The following ST8SIA1 variants were observed in gnomAD, a reference collection of about 807,000 sequenced individuals.
The protein encoded by ST8SIA1 is ST8 alpha-N-acetyl-neuraminide alpha-2,8-sialyltransferase 1.
Under a neutral mutation model 35.9 loss-of-function variants are expected in ST8SIA1, and 16 were observed. That is an observed-to-expected ratio of 0.45 (90% CI 0.30 to 0.68). The LOEUF (loss-of-function observed/expected upper bound fraction) is 0.68. ST8SIA1 is among the 30% of genes least tolerant of loss of function. The probability of loss-of-function intolerance (pLI) is 0.09; values close to 1 mark genes in which losing one functional copy is unlikely to be tolerated. For missense variants in ST8SIA1, 383 were observed against 453.6 expected (o/e 0.84, Z 1.41); for synonymous variants, 170 against 169.6 (o/e 1.00, Z -0.02).
chr12:22,248,948 T>G (rs780132825), intron 4 of ST8SIA1, 58 bp downstream of exon 4: 30 of 1,306,930 alleles, frequency 2.3e-5, no homozygotes, highest in Non-Finnish European at 3.2e-5. Context: ...TTTGAAATGC[T>G]AAGTACTTGA....
chr12:22,228,736 G>A (rs541756923), intron 4 of ST8SIA1, among the ~76,000 whole-genome samples: 1 of 152,178 alleles, frequency 6.6e-6, no homozygotes, highest in South Asian at 2.1e-4. Context: ...GACAGTGGTG[G>A]GGATGATGAC....
At chr12:22,214,430 T>G (rs1300169486) in intron 4 of ST8SIA1, among the ~76,000 whole-genome samples, 1 of 151,964 alleles carries the variant, frequency 6.6e-6, no homozygotes, top group Non-Finnish European at 1.5e-5. Context: ...CCAAGTAAAT[T>G]AGGAAAATAT....
At chr12:22,204,931 C>CAGTTT (rs2120616569) in intron 4 of ST8SIA1, among the ~76,000 whole-genome samples, 1 of 152,182 alleles carries the variant, frequency 6.6e-6, no homozygotes, top group East Asian at 1.9e-4. Context: ...AGTGGTGCTC[C>CAGTTT]AGTTTGTCTC....
At chr12:22,257,019 C>A (rs906014045) in intron 2 of ST8SIA1, among the ~76,000 whole-genome samples, 1 of 152,192 alleles carries the variant, frequency 6.6e-6, no homozygotes, top group Non-Finnish European at 1.5e-5. Context: ...GCGTCAGGCA[C>A]TGCCCTGGGT....
chr12:22,333,928 G>A (rs1866805622), intron 1 of ST8SIA1, 69 bp downstream of exon 1: 12 of 1,396,848 alleles, frequency 8.6e-6, no homozygotes, highest in Middle Eastern at 3.5e-4. Context: ...GGTCCTCGCC[G>A]GTGACCCTGT....
intron 2 of ST8SIA1, among the ~76,000 whole-genome samples, chr12:22,272,888 T>A (rs1865927645): frequency 6.6e-6 from 1 of 152,208 alleles, no homozygotes; most frequent in South Asian, 2.1e-4. Flanking sequence ...CTGACTGTGA[T>A]TTTTACATCT....
At chr12:22,240,889 T>C (rs892606679) in intron 4 of ST8SIA1, among the ~76,000 whole-genome samples, 10 of 152,136 alleles carry the variant, frequency 6.6e-5, no homozygotes, top group Admixed American at 6.6e-4. Context: ...TTAAAAGTTA[T>C]GCATTTACAA....
At chr12:22,289,406 G>C (rs1270835289) in intron 1 of ST8SIA1, among the ~76,000 whole-genome samples, 1 of 152,140 alleles carries the variant, frequency 6.6e-6, no homozygotes, top group Non-Finnish European at 1.5e-5. Context: ...GGTCCGCAGA[G>C]TCCAGGCTTT....
chr12:22,287,036 GAAGA>G, intron 2 of ST8SIA1, 109 bp downstream of exon 2: 2 of 985,736 alleles, frequency 2.0e-6, no homozygotes, highest in South Asian at 1.9e-5. Flanking sequence ...TTTAAAGAGA[GAAGA>G]AAGAAAACAA....
intron 4 of ST8SIA1, among the ~76,000 whole-genome samples, chr12:22,216,701 C>T (rs113648324): frequency 6.6e-6 from 1 of 152,004 alleles, no homozygotes; most frequent in African/African-American, 2.4e-5. Context: ...CTTGCTGTTC[C>T]CTAAGGCTAA....
At chr12:22,281,667 T>G (rs920961845) in intron 2 of ST8SIA1, among the ~76,000 whole-genome samples, 1 of 152,068 alleles carries the variant, frequency 6.6e-6, no homozygotes, top group African/African-American at 2.4e-5. Flanking sequence ...TACACTCTAC[T>G]TTTTCTCCCA....
At chr12:22,314,913 T>C (rs1040666697) in intron 1 of ST8SIA1, among the ~76,000 whole-genome samples, 1 of 152,082 alleles carries the variant, frequency 6.6e-6, no homozygotes, top group African/African-American at 2.4e-5. Context: ...TTCTTTCATT[T>C]CTCCCACTCA....
At chr12:22,202,995 T>G (rs1342044697) in intron 4 of ST8SIA1, among the ~76,000 whole-genome samples, 1 of 152,196 alleles carries the variant, frequency 6.6e-6, no homozygotes, top group Admixed American at 6.5e-5. Flanking sequence ...AAACGTCTTA[T>G]ATCTGTTTTG....
At chr12:22,309,024 A>G (rs945394682) in intron 1 of ST8SIA1, among the ~76,000 whole-genome samples, 4 of 152,278 alleles carry the variant, frequency 2.6e-5, no homozygotes, top group Middle Eastern at 6.8e-3. Flanking sequence ...AATATCTCTA[A>G]AAGAGATACA....
chr12:22,292,697 G>T (rs1417072813), intron 1 of ST8SIA1, among the ~76,000 whole-genome samples: 1 of 152,016 alleles, frequency 6.6e-6, no homozygotes, highest in African/African-American at 2.4e-5. Flanking sequence ...CTAAACACTG[G>T]GTACACAGGG....
At chr12:22,227,189 C>G (rs1865369068) in intron 4 of ST8SIA1, among the ~76,000 whole-genome samples, 1 of 152,052 alleles carries the variant, frequency 6.6e-6, no homozygotes, top group African/African-American at 2.4e-5. Flanking sequence ...TATGATCCAC[C>G]TGCCTCGGCC....
At chr12:22,266,690 G>A (rs889615735) in intron 2 of ST8SIA1, among the ~76,000 whole-genome samples, 3 of 152,022 alleles carry the variant, frequency 2.0e-5, no homozygotes, top group South Asian at 2.1e-4. Flanking sequence ...CCAGCTACTC[G>A]GGAGGCTGAG....
At chr12:22,216,765 G>A (rs141756438) in intron 4 of ST8SIA1, among the ~76,000 whole-genome samples, 225 of 152,236 alleles carry the variant, frequency 1.5e-3, no homozygotes, top group African/African-American at 5.0e-3. Flanking sequence ...ACAAATAAAT[G>A]CATAATGAAA....
intron 2 of ST8SIA1, among the ~76,000 whole-genome samples, chr12:22,283,612 C>T (rs1284634925): frequency 6.6e-6 from 1 of 152,148 alleles, no homozygotes; most frequent in Non-Finnish European, 1.5e-5. Context: ...AAAATTCTGC[C>T]CTTCATGCCT....
Sources: allele counts gnomAD v4.1 joint callset (sites outside exome capture counted in the v4.1 genomes callset), GRCh38; gene constraint gnomAD v4.1.1; transcripts MANE v1.5; gene names NCBI Gene and HGNC (gene_info 2026-07-23, HGNC 2026-07-21).